The following SYNE1 variants were observed in gnomAD, a reference collection of about 807,000 sequenced individuals.
SYNE1 encodes the protein spectrin repeat containing nuclear envelope protein 1.
Under a neutral mutation model 1,111.0 loss-of-function variants are expected in SYNE1, and 616 were observed. The ratio of observed to expected loss-of-function variants is 0.55; its 90% CI spans 0.52 to 0.59. SYNE1 has a LOEUF of 0.59. SYNE1 is among the 20% of genes least tolerant of loss of function. The probability of loss-of-function intolerance (pLI) is 0.00; values close to 1 mark genes in which losing one functional copy is unlikely to be tolerated. For synonymous variants in SYNE1, 3,855 were observed against 3,825.8 expected, an observed-to-expected ratio of 1.01 and a Z score of -0.28; for missense variants, 10,006 against 10,417.0, an observed-to-expected ratio of 0.96 and a Z score of 1.72.
At chr6:152,323,789 A>G in intron 81 of SYNE1, 52 bp from the exon 82 acceptor site, 1 of 1,602,884 alleles carries the variant, frequency 6.2e-7, no homozygotes, top group South Asian at 1.1e-5. Context: ...AACTGAAAAA[A>G]ATAGGGTAAC....
At chr6:152,280,390 G>A (rs902674519) in intron 97 of SYNE1, among the ~76,000 whole-genome samples, 5 of 152,096 alleles carry the variant, frequency 3.3e-5, no homozygotes, top group African/African-American at 1.2e-4. Flanking sequence ...AGCCTTGAAT[G>A]TAGCCAACAC....
At chr6:152,305,606 A>C (rs1163620521) in intron 91 of SYNE1, among the ~76,000 whole-genome samples, 1 of 152,200 alleles carries the variant, frequency 6.6e-6, no homozygotes, top group Non-Finnish European at 1.5e-5. Flanking sequence ...GGCATAAATA[A>C]ATGATCAGTT....
At chr6:152,256,911 T>C (rs1035307711) in intron 101 of SYNE1, 146 bp from the exon 102 acceptor site, 1 of 1,281,546 alleles carries the variant, frequency 7.8e-7, no homozygotes, top group South Asian at 1.2e-5. Context: ...CAACATACCA[T>C]GTCCACTGAA....
At chr6:152,413,814 G>T (rs1471188974) in intron 41 of SYNE1, among the ~76,000 whole-genome samples, 1 of 152,012 alleles carries the variant, frequency 6.6e-6, no homozygotes, top group Non-Finnish European at 1.5e-5. Context: ...TTTGATGGTA[G>T]AAGATTTTCA....
At chr6:152,540,588 G>A (rs536192977) in intron 3 of SYNE1, among the ~76,000 whole-genome samples, 1 of 152,340 alleles carries the variant, frequency 6.6e-6, no homozygotes, top group South Asian at 2.1e-4. Context: ...CCATTTTTGT[G>A]TCGGCAGAAT....
At position 152,336,887 on chromosome 6, in the gene SYNE1, G is replaced by A; in HGVS notation, c.12482C>T (p.Ser4161Phe). The A allele has an allele frequency of 6.2e-7, 1 of 1,614,098 alleles. No individual in the cohort carries two copies. ...QQLQNMKRRHSELELNIAQNM... is the reference protein window; with the variant it reads ...QQLQNMKRRHFELELNIAQNM... ...CTGTGCAATGTTCAGCTCCAGCTCAGAGTGCCTCCTCTTCATGTTCTGCAG... is the reference window on the plus strand; with the variant it reads ...CTGTGCAATGTTCAGCTCCAGCTCAAAGTGCCTCCTCTTCATGTTCTGCAG... The change falls in exon 76 of 146, where the codon TCT becomes TTT. Residue 4161 changes from serine (S) to phenylalanine (F), a missense_variant. Physicochemically the swap from Ser to Phe is radical, Grantham distance 155. Around this residue, in one of 7 missense-constraint regions of SYNE1, gnomAD observed 4,955 missense variants for 5,017.2 expected, o/e 0.99. Transcript: ENST00000367255.
chr6:152,521,575 T>G (rs1026035557), intron 5 of SYNE1, among the ~76,000 whole-genome samples: 17 of 152,220 alleles, frequency 1.1e-4, no homozygotes, highest in South Asian at 2.1e-4. Flanking sequence ...ATATGTACTC[T>G]TTTTCATTGC....
chr6:152,395,992 A>G (rs2097725757), intron 50 of SYNE1, among the ~76,000 whole-genome samples: 1 of 152,216 alleles, frequency 6.6e-6, no homozygotes, highest in South Asian at 2.1e-4. Flanking sequence ...TCTTACTACG[A>G]AGACCCCTGA....
chr6:152,518,809 C>T (rs1479183992), intron 6 of SYNE1, among the ~76,000 whole-genome samples: 1 of 151,110 alleles, frequency 6.6e-6, no homozygotes, highest in Non-Finnish European at 1.5e-5. Flanking sequence ...CCCACACGTG[C>T]GAGAAGCTAC....
intron 10 of SYNE1, 94 bp from the exon 11 acceptor site, chr6:152,498,886 C>A (rs533460459): frequency 7.6e-6 from 5 of 659,726 alleles, no homozygotes; most frequent in Non-Finnish European, 9.4e-6. Context: ...GAAAGGCATC[C>A]GCCTTTAGAG....
chr6:152,524,489 T>A (rs1374184667), intron 5 of SYNE1, among the ~76,000 whole-genome samples: 1 of 152,110 alleles, frequency 6.6e-6, no homozygotes, highest in African/African-American at 2.4e-5. Context: ...TGGCCAGTTA[T>A]ATCAGGTAAT....
rs1253654251 is a variant in SYNE1 at position 152,605,125 on chromosome 6, GAA to G, written c.67+23138_67+23139del. ...GGAAGGAAGGAAGGAAGGAAGGAAG[GAA>G]GGAGAAAGGAAAAAATTCTATTAAT... On this transcript the variant is annotated intron_variant, in intron 3 of 145. Transcript: ENST00000367255. Among the ~76,000 whole-genome samples, 360 of 127,400 alleles carry G rather than the reference GAA, an allele frequency of 2.8e-3. 4 individuals are homozygous for G. The highest frequency in any genetic ancestry group is 4.1e-3 in the Non-Finnish European group (251 of 60,960). 83.6% of individuals were successfully genotyped at this position (127,400 alleles called of 152,430 possible). A position where few individuals can be genotyped will look rare whatever the true frequency, so the allele number is the denominator to read the frequency against.
intron 3 of SYNE1, among the ~76,000 whole-genome samples, chr6:152,541,981 C>T (rs1423942549): frequency 6.6e-6 from 1 of 152,034 alleles, no homozygotes; most frequent in Non-Finnish European, 1.5e-5. Context: ...AAAAGCCACA[C>T]AGAAGTAGTT....
intron 95 of SYNE1, among the ~76,000 whole-genome samples, chr6:152,290,685 A>G (rs530664069): frequency 7.9e-5 from 12 of 152,350 alleles, no homozygotes; most frequent in African/African-American, 2.9e-4. Context: ...TTAAAAAAAC[A>G]TGAATACTTC....
chr6:152,513,447 G>A (rs2099095705), intron 6 of SYNE1, among the ~76,000 whole-genome samples: 1 of 152,056 alleles, frequency 6.6e-6, no homozygotes, highest in Admixed American at 6.6e-5. Flanking sequence ...CCAGGTTCAA[G>A]CGATTCTCCT....
intron 12 of SYNE1, among the ~76,000 whole-genome samples, chr6:152,486,968 C>T (rs1490652310): frequency 6.6e-6 from 1 of 152,084 alleles, no homozygotes; most frequent in Non-Finnish European, 1.5e-5. Context: ...TTTAATTTTG[C>T]CACTAAAAGG....
intron 74 of SYNE1, among the ~76,000 whole-genome samples, chr6:152,341,865 C>T (rs972918908): frequency 1.3e-5 from 2 of 152,084 alleles, no homozygotes; most frequent in Non-Finnish European, 2.9e-5. Context: ...TATTTGAGGA[C>T]CTGCTGTACA....
intron 16 of SYNE1, among the ~76,000 whole-genome samples, chr6:152,470,593 G>A (rs1382392361): frequency 6.6e-6 from 1 of 152,016 alleles, no homozygotes; most frequent in African/African-American, 2.4e-5. Flanking sequence ...TTTCTCAACT[G>A]TATGTTGTTC....
At chr6:152,525,993 A>G in intron 5 of SYNE1, 87 bp downstream of exon 5, 1 of 1,199,232 alleles carries the variant, frequency 8.3e-7, no homozygotes, top group Non-Finnish European at 1.2e-6. Context: ...TTACCTGGGC[A>G]GCACATCTTA....
Sources: gnomAD v4.1 joint callset for allele counts (sites outside exome capture counted in the v4.1 genomes callset) on GRCh38, gnomAD v4.1.1 for gene constraint, gnomAD v4.1.1 regional missense constraint, MANE v1.5 for transcripts, NCBI Gene and HGNC (gene_info 2026-07-23, HGNC 2026-07-21) for gene names.